XKR9: variants seen among roughly 807,000 people sequenced by gnomAD.
XKR9 encodes XK-related protein 9.
Under a neutral mutation model 32.0 loss-of-function variants are expected in XKR9, and 32 were observed. The ratio of observed to expected loss-of-function variants is 1.00; its 90% confidence interval spans 0.76 to 1.34. The LOEUF is 1.34. Among genes scored for constraint, XKR9 ranks in the 40% most tolerant of loss-of-function variants. The probability of loss-of-function intolerance (pLI) is 0.00; values close to 1 mark genes in which losing one functional copy is unlikely to be tolerated. For synonymous variants in XKR9, 168 were observed against 143.4 expected, an observed-to-expected ratio of 1.17 and a Z score of -1.22; for missense variants, 546 against 429.7, an observed-to-expected ratio of 1.27 and a Z score of -2.39.
At position 70,776,947 on chromosome 8, in the gene XKR9, C is replaced by CTCTATATA; in HGVS notation, n.353-12391_353-12390insCTATATAT. On this transcript the variant is annotated intron_variant and non_coding_transcript_variant, in intron 2 of 3. Transcript: ENST00000520273. The stretch of plus-strand genomic sequence containing the variant: ...TTTCTCTCTCTCTCTCTCTCTCTCT[C>CTCTATATA]TATATATATATATATATGTATGTAT... 8.7e-4 allele frequency among the ~76,000 whole-genome samples: 47 copies of CTCTATATA among 54,210 alleles called. No homozygotes were observed. The East Asian group carries it at 0.013, about 16-fold the overall frequency. 35.6% of individuals were successfully genotyped at this position (54,210 alleles called of 152,430 possible).
At chr8:70,950,977 C>T in the XKR9 span, among the ~76,000 whole-genome samples, 1 of 152,062 alleles carries the variant, frequency 6.6e-6, no homozygotes, top group African/African-American at 2.4e-5. Flanking sequence ...CCTGGCCTTC[C>T]TTCTCCTTTT....
At chr8:70,899,359 G>T in the XKR9 span, among the ~76,000 whole-genome samples, 1 of 150,984 alleles carries the variant, frequency 6.6e-6, no homozygotes, top group African/African-American at 2.4e-5. Flanking sequence ...GAAAACAAGA[G>T]AAATTGAGCA....
At chr8:70,951,865 A>T in the XKR9 span, among the ~76,000 whole-genome samples, 8 of 129,864 alleles carry the variant, frequency 6.2e-5, no homozygotes, top group Non-Finnish European at 1.3e-4. Flanking sequence ...CCATAGCATC[A>T]TTGGGGGGGG....
chr8:70,913,470 T>C, the XKR9 span, among the ~76,000 whole-genome samples: 1 of 152,098 alleles, frequency 6.6e-6, no homozygotes, highest in African/African-American at 2.4e-5. Context: ...TAATACTCCC[T>C]CTATGTATTT....
chr8:70,985,472 C>T, the XKR9 span, among the ~76,000 whole-genome samples: 1 of 152,132 alleles, frequency 6.6e-6, no homozygotes, highest in African/African-American at 2.4e-5. Flanking sequence ...GCTGGTGAAT[C>T]TTAGGTGACA....
chr8:70,734,027 G>C lies in XKR9; in HGVS notation c.725G>C (p.Gly242Ala). ...LFLLLFLWLL[G>A]IIWAFKNNTQ... ...CTGTTGTTATTTCTTTGGTTGTTAG[G>C]TATAATATGGGCATTTAAAAACAAC... Residue 242 changes from glycine (G) to alanine (A), a missense_variant, in exon 5 of 5, where the codon GGT becomes GCT. Physicochemically the swap from Gly to Ala is moderately conservative, Grantham distance 60. Transcript: ENST00000408926. 6.2e-7 allele frequency: 1 copy of C among 1,613,282 alleles called. No individual in the cohort carries two copies. Among genetic ancestry groups the C allele is most frequent in the Non-Finnish European group, 8.5e-7 (1 of 1,179,706 alleles).
chr8:70,823,490 C>T, the XKR9 span, among the ~76,000 whole-genome samples: 1 of 152,206 alleles, frequency 6.6e-6, no homozygotes, highest in East Asian at 1.9e-4. Flanking sequence ...ATTTATATTG[C>T]TGCTCTGAGA....
the XKR9 span, among the ~76,000 whole-genome samples, chr8:70,940,632 C>G: frequency 6.6e-6 from 1 of 152,020 alleles, no homozygotes; most frequent in Non-Finnish European, 1.5e-5. Context: ...CTCTGTTTCT[C>G]TCAGCATCTA....
the XKR9 span, among the ~76,000 whole-genome samples, chr8:70,978,372 C>G: frequency 1.6e-3 from 249 of 152,266 alleles, 1 homozygote; most frequent in African/African-American, 5.8e-3. Flanking sequence ...GTGGCTGGTA[C>G]TAGTTTTTCC....
the XKR9 span, among the ~76,000 whole-genome samples, chr8:70,857,431 T>C: frequency 2.0e-5 from 3 of 152,098 alleles, no homozygotes; most frequent in African/African-American, 7.2e-5. Flanking sequence ...CAGGAAGAAG[T>C]TGAATCTGAA....
chr8:71,016,096 AT>A, the XKR9 span, among the ~76,000 whole-genome samples: 65,565 of 151,752 alleles, frequency 0.43, 15,215 homozygotes, highest in Non-Finnish European at 0.53. Context: ...TTGGCATTAA[AT>A]TTGTATAGGA....
At chr8:71,055,152 C>T in the XKR9 span, among the ~76,000 whole-genome samples, 5 of 152,130 alleles carry the variant, frequency 3.3e-5, no homozygotes, top group African/African-American at 1.2e-4. Flanking sequence ...TTTGGGATTA[C>T]ATTTATGACA....
chr8:70,986,677 C>T, the XKR9 span, among the ~76,000 whole-genome samples: 4 of 152,194 alleles, frequency 2.6e-5, no homozygotes, highest in Non-Finnish European at 5.9e-5. Flanking sequence ...ATGCAAAACA[C>T]TGGGCTTCAT....
the XKR9 span, among the ~76,000 whole-genome samples, chr8:70,972,855 T>C: frequency 6.6e-6 from 1 of 152,156 alleles, no homozygotes; most frequent in Non-Finnish European, 1.5e-5. Flanking sequence ...TGCTGTTGGA[T>C]TCAGTTAGCT....
intron 2 of XKR9, among the ~76,000 whole-genome samples, chr8:70,764,173 C>T (rs184330869): frequency 6.6e-6 from 1 of 152,192 alleles, no homozygotes. Flanking sequence ...AGGTTTACTC[C>T]ACCAAATGAG....
At position 70,735,736 on chromosome 8, in the gene XKR9, A is replaced by G. The variant is rs1325411078; in HGVS notation, c.*1312A>G. On this transcript the variant is annotated 3_prime_UTR_variant, in exon 5 of 5. Coordinates refer to ENST00000408926, the MANE Select transcript of XKR9 (RefSeq NM_001011720.2). ...GTGTTTGGTTTTTTGTTCTTGCGAT[A>G]GTTTACTGAGAATGATGATTTCCAG... 1 of 151,120 alleles carries G rather than the reference A, an allele frequency of 6.6e-6. No homozygotes were observed. The highest frequency in any genetic ancestry group is 2.4e-5 in the African/African-American group (1 of 41,070). The allele number at this position is 151,120 out of a possible 1,614,324, so 9.4% of individuals were successfully genotyped here. A position where few individuals can be genotyped will look rare whatever the true frequency, so the allele number is the denominator to read the frequency against.
chr8:70,941,758 T>A, the XKR9 span, among the ~76,000 whole-genome samples: 34 of 152,288 alleles, frequency 2.2e-4, 1 homozygote, highest in South Asian at 7.0e-3. Flanking sequence ...ATGTTTTCCA[T>A]CTTTCTAGAC....
At chr8:70,905,438 C>G in the XKR9 span, among the ~76,000 whole-genome samples, 1 of 152,176 alleles carries the variant, frequency 6.6e-6, no homozygotes, top group African/African-American at 2.4e-5. Flanking sequence ...GCATGCCTCA[C>G]GTAGTTCTCA....
intron 2 of XKR9, among the ~76,000 whole-genome samples, chr8:70,768,873 A>T (rs1278551880): frequency 6.6e-6 from 1 of 150,938 alleles, no homozygotes; most frequent in Non-Finnish European, 1.5e-5. Context: ...ATGGGTCTTG[A>T]CTCTATCCAT....
Sources: allele counts gnomAD v4.1 joint callset (sites outside exome capture counted in the v4.1 genomes callset), GRCh38; gene constraint gnomAD v4.1.1; transcripts MANE v1.5; gene names NCBI Gene and HGNC (gene_info 2026-07-23, HGNC 2026-07-21).